CNTNAP2: variants seen among roughly 807,000 people sequenced by gnomAD.
CNTNAP2 encodes the protein contactin associated protein 2, also known as contactin-associated protein-like 2.
In CNTNAP2, 98 loss-of-function variants were observed where a neutral mutation model predicts 155.2. The observed-to-expected ratio is 0.63, with a 90% confidence interval of 0.54 to 0.75. The LOEUF (loss-of-function observed/expected upper bound fraction) is 0.75. Ranked by LOEUF, CNTNAP2 falls within the 30% of genes least tolerant of loss-of-function variation. The pLI, the probability that CNTNAP2 is intolerant of heterozygous loss-of-function variation, is 0.00. For missense variants in CNTNAP2, 1,727 were observed against 1,688.1 expected, an observed-to-expected ratio of 1.02 and a Z score of -0.40; for synonymous variants, 651 against 631.2, an observed-to-expected ratio of 1.03 and a Z score of -0.47.
intron 17 of CNTNAP2, among the ~76,000 whole-genome samples, chr7:148,151,962 C>G (rs928292537): frequency 3.3e-5 from 5 of 152,120 alleles, no homozygotes; most frequent in Non-Finnish European, 7.4e-5. Context: ...AGATATGTGA[C>G]AGAATGGCCC....
chr7:147,943,054 C>T lies in CNTNAP2; in HGVS notation c.2256-34808C>T, dbSNP rs188866824. On this transcript the variant is annotated intron_variant, in intron 14 of 23. Coordinates refer to ENST00000361727, the MANE Select transcript of CNTNAP2 (RefSeq NM_014141.6). ...TCCATCTCAAAAAAAAAAAAATCCCCGCTTCCAACAGCAGTTCTCCTGGAA... is the reference window on the plus strand; with the variant it reads ...TCCATCTCAAAAAAAAAAAAATCCCTGCTTCCAACAGCAGTTCTCCTGGAA... Among the ~76,000 whole-genome samples, 40 of 151,902 alleles carry T rather than the reference C, an allele frequency of 2.6e-4. No homozygotes were observed. In the East Asian group the frequency reaches 5.1e-3, roughly 19 times the overall value.
chr7:146,167,202 G>T (rs1156444085), intron 1 of CNTNAP2, among the ~76,000 whole-genome samples: 1 of 152,168 alleles, frequency 6.6e-6, no homozygotes, highest in Non-Finnish European at 1.5e-5. Context: ...AATCATACAG[G>T]TGAATTCCCA....
At chr7:146,321,766 G>T (rs889572277) in intron 1 of CNTNAP2, among the ~76,000 whole-genome samples, 4 of 152,094 alleles carry the variant, frequency 2.6e-5, no homozygotes, top group Admixed American at 6.6e-5. Context: ...TCTGAGTGTG[G>T]ATGCTTAAAA....
In CNTNAP2 at chr7:147,660,538, A is replaced by G. The variant is rs557553008; in HGVS notation, c.2098+21232A>G. 2.2e-4 allele frequency among the ~76,000 whole-genome samples: 33 copies of G among 152,342 alleles called. No homozygotes were observed. In the South Asian group the frequency reaches 6.6e-3, roughly 31 times the overall value. On this transcript the variant is annotated intron_variant, in intron 13 of 23. Transcript: ENST00000361727. ...TGTTTTCTAACTAAATTTTAGTATA[A>G]AAACATTTAAGTCTAGTGACATCAC...
chr7:146,818,991 T>C (rs914905180), intron 2 of CNTNAP2, among the ~76,000 whole-genome samples: 3 of 152,124 alleles, frequency 2.0e-5, no homozygotes, highest in African/African-American at 7.2e-5. Context: ...TTTTATTCTA[T>C]ACCAATCCTG....
At chr7:147,712,103 C>T (rs1426979795) in intron 13 of CNTNAP2, among the ~76,000 whole-genome samples, 2 of 152,152 alleles carry the variant, frequency 1.3e-5, no homozygotes, top group South Asian at 2.1e-4. Context: ...TTCTTACTCA[C>T]GTTCCTTCAG....
intron 12 of CNTNAP2, among the ~76,000 whole-genome samples, chr7:147,618,627 A>G (rs1175402233): frequency 6.6e-6 from 1 of 151,002 alleles, no homozygotes; most frequent in East Asian, 1.9e-4. Flanking sequence ...ATCAGGAAAC[A>G]GCTATAAAAT....
At chr7:147,885,889 G>A (rs1799592529) in intron 13 of CNTNAP2, among the ~76,000 whole-genome samples, 1 of 152,152 alleles carries the variant, frequency 6.6e-6, no homozygotes, top group African/African-American at 2.4e-5. Context: ...ATGAATCAGA[G>A]GAAGAAATGC....
chr7:146,745,765 A>T (rs749109828), intron 1 of CNTNAP2, among the ~76,000 whole-genome samples: 10 of 109,320 alleles, frequency 9.1e-5, no homozygotes, highest in Non-Finnish European at 1.7e-4. Flanking sequence ...ACTCCATCTG[A>T]AAAAAAAAAA....
In CNTNAP2 at chr7:147,498,111, G is replaced by GTACTCCAGCAGCAGTACTTGCTGC. The variant is rs1798743449; in HGVS notation, c.1777+12071_1777+12072insACTCCAGCAGCAGTACTTGCTGCT. Among the ~76,000 whole-genome samples, 6 of 149,494 alleles carry GTACTCCAGCAGCAGTACTTGCTGC rather than the reference G, an allele frequency of 4.0e-5. 2 individuals are homozygous for GTACTCCAGCAGCAGTACTTGCTGC. In the South Asian group the frequency reaches 1.3e-3, roughly 32 times the overall value. On this transcript the variant is annotated intron_variant, in intron 11 of 23. Transcript: ENST00000361727. ...AGACAGCAGTACTTGCTGCTTGGTT[G>GTACTCCAGCAGCAGTACTTGCTGC]TTAGTATAGGTGTCTACTCCTGTGT...
At chr7:147,677,350 A>G (rs1372286161) in intron 13 of CNTNAP2, among the ~76,000 whole-genome samples, 1 of 151,658 alleles carries the variant, frequency 6.6e-6, no homozygotes, top group Non-Finnish European at 1.5e-5. Flanking sequence ...AAATTGAGCT[A>G]TTTGTTATTC....
intron 17 of CNTNAP2, among the ~76,000 whole-genome samples, chr7:148,152,315 G>A (rs997470504): frequency 4.6e-5 from 7 of 152,032 alleles, no homozygotes; most frequent in African/African-American, 1.7e-4. Context: ...GGGTGTTGCT[G>A]ATTGGTTGGA....
At chr7:146,489,112 C>A (rs1362184032) in intron 1 of CNTNAP2, among the ~76,000 whole-genome samples, 1 of 152,176 alleles carries the variant, frequency 6.6e-6, no homozygotes, top group East Asian at 1.9e-4. Context: ...CCCAAGTCTG[C>A]ATTTTAATTA....
At chr7:146,399,919 C>A (rs1217693342) in intron 1 of CNTNAP2, among the ~76,000 whole-genome samples, 1 of 151,922 alleles carries the variant, frequency 6.6e-6, no homozygotes, top group African/African-American at 2.4e-5. Context: ...TGGGATGATC[C>A]CACAATTATT....
At chr7:146,462,451 A>G (rs1796650847) in intron 1 of CNTNAP2, among the ~76,000 whole-genome samples, 1 of 152,176 alleles carries the variant, frequency 6.6e-6, no homozygotes, top group Non-Finnish European at 1.5e-5. Flanking sequence ...CATAAAGGGA[A>G]GTTGATTATT....
rs1802230416 is a variant in CNTNAP2, at chr7:146,768,147, G to T, written c.98-6124G>T. Among the ~76,000 whole-genome samples the T allele has an allele frequency of 2.6e-5, 4 of 152,042 alleles. No individual in the cohort carries two copies. In the South Asian group the frequency reaches 8.3e-4, roughly 32 times the overall value. ...ATTAAATTTAGACAAAATTTGGCTT[G>T]CAGACATCAGGAGTAATTTAAGAAG... On this transcript the variant is annotated intron_variant, in intron 1 of 23. Transcript: ENST00000361727.
chr7:146,984,228 G>C (rs1798072668), intron 3 of CNTNAP2, among the ~76,000 whole-genome samples: 2 of 151,956 alleles, frequency 1.3e-5, no homozygotes. Flanking sequence ...TTAGTCGGGT[G>C]TGGTGGGACA....
In CNTNAP2 at chr7:146,322,634, CTTTTTTT is replaced by C. The variant is rs56287346; in HGVS notation, c.97+205673_97+205679del. On this transcript the variant is annotated intron_variant, in intron 1 of 23. Transcript: ENST00000361727. ...AAGAGGAGACTGTTGTGTTCATTCT[CTTTTTTT>C]TTTTTTTTTTTGCTGGCTATGACGG... Among the ~76,000 whole-genome samples the C allele has an allele frequency of 9.2e-5, 6 of 64,964 alleles. 1 individual carries two copies. The highest frequency in any genetic ancestry group is 1.6e-4 in the Non-Finnish European group (6 of 36,422). The allele number at this position is 64,964 out of a possible 152,430, so 42.6% of individuals were successfully genotyped here.
intron 1 of CNTNAP2, among the ~76,000 whole-genome samples, chr7:146,308,678 G>A (rs1800764686): frequency 6.6e-6 from 1 of 152,040 alleles, no homozygotes; most frequent in Admixed American, 6.6e-5. Context: ...GTCCTCTTAG[G>A]GACATGGATG....
Sources: gnomAD v4.1 joint callset for allele counts (sites outside exome capture counted in the v4.1 genomes callset) on GRCh38, gnomAD v4.1.1 for gene constraint, MANE v1.5 for transcripts, NCBI Gene and HGNC (gene_info 2026-07-23, HGNC 2026-07-21) for gene names.